DNAI4: variants seen among roughly 807,000 people sequenced by gnomAD.
The protein encoded by DNAI4 is dynein axonemal intermediate chain 4.
Under a neutral mutation model 105.8 loss-of-function variants are expected in DNAI4, and 85 were observed. That is an observed-to-expected ratio of 0.80 (90% CI 0.67 to 0.96). The LOEUF is 0.96. Ranked by LOEUF, DNAI4 falls within the 40% of genes least tolerant of loss-of-function variation. The pLI is 0.00. For missense variants in DNAI4, 1,014 were observed against 1,005.6 expected, an observed-to-expected ratio of 1.01 and a Z score of -0.11; for synonymous variants, 352 against 331.5, an observed-to-expected ratio of 1.06 and a Z score of -0.67.
chr1:66,866,799 C>A (rs1460950846), intron 6 of DNAI4, among the ~76,000 whole-genome samples: 1 of 151,962 alleles, frequency 6.6e-6, no homozygotes, highest in Non-Finnish European at 1.5e-5. Flanking sequence ...TGTATTAGTC[C>A]ATTTTCATGT....
At chr1:66,834,771 C>T (rs1237341112) in intron 11 of DNAI4, among the ~76,000 whole-genome samples, 1 of 152,042 alleles carries the variant, frequency 6.6e-6, no homozygotes, top group African/African-American at 2.4e-5. Flanking sequence ...TTAATACAAA[C>T]CCTCCAATGA....
In DNAI4 at chr1:66,847,570, T is replaced by C; in HGVS notation, c.1205A>G (p.Gln402Arg). ...AACCCGTTCCATAAAAAATAAGTCC[T>C]GATGAAATTTGTCAGATTTTAATAT... ...DAILKSDKFH[Q>R]DLFFMERVLM... The change falls in exon 8 of 17, where the codon CAG becomes CGG. Residue 402 changes from glutamine (Q) to arginine (R), a missense_variant. Transcript: ENST00000371026. The C allele has an allele frequency of 6.2e-7, 1 of 1,614,040 alleles. No individual in the cohort carries two copies. The highest frequency in any genetic ancestry group is 8.5e-7 in the Non-Finnish European group (1 of 1,179,968).
chr1:66,818,615 C>T (rs1645564509), intron 16 of DNAI4, among the ~76,000 whole-genome samples: 4 of 152,060 alleles, frequency 2.6e-5, no homozygotes, highest in Admixed American at 2.6e-4. Context: ...CTGTAGAGAA[C>T]ATTAGAAATA....
Position 66,890,667 on chromosome 1 carries a change from C to A in DNAI4, c.643+487G>T, listed in dbSNP as rs1569787375. The stretch of plus-strand genomic sequence containing the variant: ...GAAGAAGAGGAAGAGGAGAAGGAAG[C>A]AGAGGAGGAAGAGGAGGAAGAGGAA... On this transcript the variant is annotated intron_variant, in intron 4 of 16. Coordinates refer to ENST00000371026, the MANE Select transcript of DNAI4 (RefSeq NM_024763.5). This position sits in a 1 kb window ranked among gnomAD's most constrained non-coding sequence, Gnocchi z 4.1. 7 of 181,028 alleles carry A rather than the reference C, an allele frequency of 3.9e-5. No individual in the cohort carries two copies. Among genetic ancestry groups the A allele is most frequent in the East Asian group, 1.8e-4 (1 of 5,612 alleles). The allele number at this position is 181,028 out of a possible 1,614,324, so 11.2% of individuals were successfully genotyped here.
intron 6 of DNAI4, 59 bp downstream of exon 6, chr1:66,871,311 A>C: frequency 6.8e-7 from 1 of 1,468,682 alleles, no homozygotes. Context: ...GTCGATTGAC[A>C]GACTCAAAAA....
Position 66,891,248 on chromosome 1 carries a change from A to G in DNAI4, c.549T>C (p.Ser183=), listed in dbSNP as rs760502284. Residue 183 remains serine (S), a synonymous_variant, in exon 4 of 17, where the codon AGT becomes AGC. Coordinates refer to ENST00000371026, the MANE Select transcript of DNAI4 (RefSeq NM_024763.5). Reference sequence around the variant, plus strand: ...CTGATACACTTGACTTAGAAACTGTACTGCTTCCTAAAACTGACCTTTAAT... The same window carrying G: ...CTGATACACTTGACTTAGAAACTGTGCTGCTTCCTAAAACTGACCTTTAAT... The part of the protein sequence containing the change: ...GQFTRSVLGS[S]TVSKSSVSAS... 10 of 1,613,564 alleles carry G rather than the reference A, an allele frequency of 6.2e-6. No homozygotes were observed. Among genetic ancestry groups the G allele is most frequent in the Non-Finnish European group, 8.5e-6 (10 of 1,179,800 alleles).
In DNAI4 at chr1:66,908,280, C is replaced by T. The variant is rs150284196; in HGVS notation, c.171-2905G>A. Among the ~76,000 whole-genome samples the T allele has an allele frequency of 3.7e-3, 560 of 152,342 alleles. 3 individuals carry two copies. The highest frequency in any genetic ancestry group is 0.012 in the African/African-American group (515 of 41,580). ...GTTACCTTGTCTTGGCCTCTGGCCTCTCTTCTTGCCTCCCATCCTCTTTAC... is the reference window on the plus strand; with the variant it reads ...GTTACCTTGTCTTGGCCTCTGGCCTTTCTTCTTGCCTCCCATCCTCTTTAC... On this transcript the variant is annotated intron_variant, in intron 1 of 16. Transcript: ENST00000371026.
At chr1:66,908,654 C>CTATAT (rs1553231141) in intron 1 of DNAI4, among the ~76,000 whole-genome samples, 1 of 152,146 alleles carries the variant, frequency 6.6e-6, no homozygotes, top group Non-Finnish European at 1.5e-5. Context: ...CAATAATACA[C>CTATAT]TATATTTTAA....
intron 10 of DNAI4, among the ~76,000 whole-genome samples, chr1:66,836,480 C>T (rs916588009): frequency 6.6e-6 from 1 of 152,114 alleles, no homozygotes; most frequent in Admixed American, 6.6e-5. Flanking sequence ...GCATATAATT[C>T]CTGTCTTCTA....
intron 2 of DNAI4, among the ~76,000 whole-genome samples, chr1:66,901,452 C>G (rs1447968578): frequency 6.6e-6 from 1 of 152,112 alleles, no homozygotes; most frequent in Non-Finnish European, 1.5e-5. Flanking sequence ...TCTTCTTTAA[C>G]TTACTGATTA....
At chr1:66,897,780 A>T (rs1337726329) in intron 2 of DNAI4, among the ~76,000 whole-genome samples, 2 of 152,244 alleles carry the variant, frequency 1.3e-5, no homozygotes, top group African/African-American at 4.8e-5. Flanking sequence ...ACAAAAAGCA[A>T]AAGCTGTGGA....
rs757710839 is a variant in DNAI4, at chr1:66,835,786, T to A, written c.1582-9A>T. The A allele has an allele frequency of 2.2e-5, 35 of 1,612,130 alleles. No homozygotes were observed. Among genetic ancestry groups the A allele is most frequent in the Non-Finnish European group, 2.6e-5 (31 of 1,179,234 alleles). ...TAAATACGTTCTGGCCACTAAATTT[T>A]AAAAAATTACATTTTCAATTTGTTT... is the stretch of plus-strand genomic sequence containing the variant. On this transcript the variant is annotated splice_polypyrimidine_tract_variant and intron_variant, in intron 10 of 16. Coordinates refer to ENST00000371026, the MANE Select transcript of DNAI4 (RefSeq NM_024763.5).
chr1:66,922,011 C>T (rs1433638570), intron 1 of DNAI4, among the ~76,000 whole-genome samples: 4 of 151,846 alleles, frequency 2.6e-5, no homozygotes, highest in Admixed American at 6.6e-5. Context: ...AATCTTCCCA[C>T]CTCAGCCTCC....
chr1:66,852,753 A>C (rs1166525181), intron 7 of DNAI4, among the ~76,000 whole-genome samples: 2 of 152,156 alleles, frequency 1.3e-5, no homozygotes, highest in Admixed American at 1.3e-4. Flanking sequence ...CATGTGTTGA[A>C]ATTCTAACCC....
At chr1:66,918,473 C>G (rs1650225344) in intron 1 of DNAI4, among the ~76,000 whole-genome samples, 1 of 152,032 alleles carries the variant, frequency 6.6e-6, no homozygotes, top group Admixed American at 6.6e-5. Flanking sequence ...TTCTTAAAGC[C>G]CTGTGAACTG....
intron 4 of DNAI4, among the ~76,000 whole-genome samples, chr1:66,887,011 C>T (rs1406695991): frequency 6.7e-6 from 1 of 150,122 alleles, no homozygotes; most frequent in Non-Finnish European, 1.5e-5. Context: ...ATATTCTTTG[C>T]CTCCCCTACC....
intron 8 of DNAI4, 56 bp downstream of exon 8, chr1:66,847,428 G>A (rs1646299576): frequency 6.6e-7 from 1 of 1,520,058 alleles, no homozygotes; most frequent in Non-Finnish European, 8.9e-7. Flanking sequence ...AAAGTACTGG[G>A]ATTATAAGCA....
intron 7 of DNAI4, among the ~76,000 whole-genome samples, chr1:66,853,526 A>G (rs1292017041): frequency 6.6e-6 from 1 of 152,256 alleles, no homozygotes; most frequent in Non-Finnish European, 1.5e-5. Context: ...CAGACCTAAC[A>G]GTGAATGCCA....
chr1:66,837,472 A>G, intron 10 of DNAI4: 1 of 422,650 alleles, frequency 2.4e-6, no homozygotes, highest in Admixed American at 4.3e-5. Flanking sequence ...CTTCATCATC[A>G]TATATAACAG....
Sources: allele counts gnomAD v4.1 joint callset (sites outside exome capture counted in the v4.1 genomes callset), GRCh38; gene constraint gnomAD v4.1.1; non-coding constraint Gnocchi (gnomAD v3.1); transcripts MANE v1.5; gene names NCBI Gene and HGNC (gene_info 2026-07-23, HGNC 2026-07-21).